MAP4: variants seen among roughly 807,000 people sequenced by gnomAD.
MAP4 encodes the protein microtubule-associated protein 4.
A neutral mutation model predicts 170.2 loss-of-function variants in MAP4; 76 were observed. That is an observed-to-expected ratio of 0.45 (90% CI 0.37 to 0.54). MAP4 has a LOEUF of 0.54. Ranked by LOEUF, MAP4 falls within the 20% of genes least tolerant of loss-of-function variation. The pLI is 0.00. For synonymous variants in MAP4, 909 were observed against 994.5 expected, an observed-to-expected ratio of 0.91 and a Z score of 1.62; for missense variants, 2,506 against 2,748.0, an observed-to-expected ratio of 0.91 and a Z score of 1.97.
intron 9 of MAP4, among the ~76,000 whole-genome samples, chr3:47,904,713 T>C (rs574773513): frequency 6.6e-6 from 1 of 152,166 alleles, no homozygotes; most frequent in African/African-American, 2.4e-5. Flanking sequence ...TCGCCCAGGC[T>C]GGAGGGCAGT....
At chr3:47,889,824 T>C (rs1186018417) in intron 10 of MAP4, among the ~76,000 whole-genome samples, 1 of 152,140 alleles carries the variant, frequency 6.6e-6, no homozygotes, top group African/African-American at 2.4e-5. Context: ...ACCTGAATGC[T>C]TGTAATTCTG....
intron 1 of MAP4, among the ~76,000 whole-genome samples, chr3:48,012,779 A>C (rs2100105931): frequency 6.6e-6 from 1 of 152,204 alleles, no homozygotes; most frequent in Non-Finnish European, 1.5e-5. Context: ...ACAATTGGAA[A>C]GTGGGAAGGT....
At position 47,916,276 on chromosome 3, in the gene MAP4, G is replaced by C. The variant is rs757418045; in HGVS notation, c.1551C>G (p.Gly517=). The C allele has an allele frequency of 1.9e-6, 3 of 1,614,200 alleles. No homozygotes were observed. The South Asian group carries it at 3.3e-5, about 18-fold the overall frequency. ...SPLSETEMAL[G]KDVTPPPETE... ...TTTCTGGAGGTGGAGTCACATCCTT[G>C]CCCAGAGCCATTTCTGTTTCTGATA... is the stretch of plus-strand genomic sequence containing the variant. Residue 517 remains glycine, a synonymous_variant, in exon 7 of 21, where the codon GGC becomes GGG. Coordinates refer to ENST00000683076, the MANE Select transcript of MAP4 (RefSeq NM_001385682.1).
intron 17 of MAP4, among the ~76,000 whole-genome samples, chr3:47,861,681 C>T (rs1457998883): frequency 6.6e-6 from 1 of 151,674 alleles, no homozygotes; most frequent in African/African-American, 2.4e-5. Context: ...ACAACAACAA[C>T]AACAACAACA....
intron 3 of MAP4, among the ~76,000 whole-genome samples, chr3:47,962,918 CTAA>C (rs1452165537): frequency 6.6e-6 from 1 of 152,152 alleles, no homozygotes; most frequent in Non-Finnish European, 1.5e-5. Flanking sequence ...TCTAAGGAGT[CTAA>C]TGTTAATACT....
At chr3:48,071,512 C>T (rs1041937878) in intron 1 of MAP4, among the ~76,000 whole-genome samples, 2 of 152,102 alleles carry the variant, frequency 1.3e-5, no homozygotes, top group Non-Finnish European at 2.9e-5. Context: ...TGCCAAACCA[C>T]ACTCCAGAGC....
chr3:47,918,464 C>G (rs1167321365), intron 6 of MAP4, among the ~76,000 whole-genome samples: 1 of 151,562 alleles, frequency 6.6e-6, no homozygotes, highest in African/African-American at 2.4e-5. Flanking sequence ...ATACCTAATA[C>G]AATGAAAATG....
At chr3:47,985,311 G>A (rs2100087982) in intron 2 of MAP4, among the ~76,000 whole-genome samples, 1 of 151,966 alleles carries the variant, frequency 6.6e-6, no homozygotes, top group South Asian at 2.1e-4. Flanking sequence ...GGTGGTGCAT[G>A]CCTGCAGTCC....
intron 2 of MAP4, among the ~76,000 whole-genome samples, chr3:47,995,562 T>C (rs888701080): frequency 3.3e-5 from 5 of 152,146 alleles, no homozygotes; most frequent in African/African-American, 1.2e-4. Context: ...GGAGTAAATA[T>C]TTATATGGAT....
At chr3:48,049,578 C>T (rs1335564698) in intron 1 of MAP4, among the ~76,000 whole-genome samples, 1 of 152,058 alleles carries the variant, frequency 6.6e-6, no homozygotes, top group African/African-American at 2.4e-5. Context: ...ATGATGGCAC[C>T]ACTGCACTCC....
chr3:48,011,009 T>C (rs1305184153), intron 1 of MAP4, among the ~76,000 whole-genome samples: 2 of 152,140 alleles, frequency 1.3e-5, no homozygotes, highest in Admixed American at 1.3e-4. Flanking sequence ...TCCTATTAGT[T>C]CTGTCCCTCT....
chr3:48,066,642 C>T (rs748906143), intron 1 of MAP4, among the ~76,000 whole-genome samples: 17 of 151,976 alleles, frequency 1.1e-4, no homozygotes, highest in South Asian at 6.3e-4. Context: ...TACAGGCGTG[C>T]GCCAAGTATA....
At position 47,862,179 on chromosome 3, in the gene MAP4, A is replaced by C. The variant is rs1484340979; in HGVS notation, c.6502-4667T>G. On this transcript the variant is annotated intron_variant, in intron 17 of 20. Transcript: ENST00000683076. ...CTGTCTCCAAAAAAAAAAAAAAAAA[A>C]ACCTAGGTAGCCCACACCATGAAAC... Among the ~76,000 whole-genome samples the C allele has an allele frequency of 4.7e-4, 67 of 142,928 alleles. 4 individuals carry two copies. The highest frequency in any genetic ancestry group is 3.1e-5 in the Non-Finnish European group (2 of 65,516). The allele number at this position is 142,928 out of a possible 152,430, so 93.8% of individuals were successfully genotyped here.
chr3:47,864,858 C>G (rs1383777440), intron 17 of MAP4, among the ~76,000 whole-genome samples: 1 of 151,954 alleles, frequency 6.6e-6, no homozygotes, highest in Non-Finnish European at 1.5e-5. Flanking sequence ...CAGAGCAAGA[C>G]TTTTTTTTGT....
intron 2 of MAP4, among the ~76,000 whole-genome samples, chr3:47,998,023 AATTCT>A (rs2100096916): frequency 1.3e-5 from 2 of 152,230 alleles, no homozygotes; most frequent in South Asian, 4.1e-4. Flanking sequence ...AAAAAATATC[AATTCT>A]ATGCAAACTA....
At chr3:48,018,240 T>C (rs1196792028), upstream of MAP4, among the ~76,000 whole-genome samples, 2 of 152,136 alleles carry the variant, frequency 1.3e-5, no homozygotes, top group African/African-American at 2.4e-5. Flanking sequence ...CCAGCTCCTG[T>C]AAACTGCTGG....
intron 1 of MAP4, among the ~76,000 whole-genome samples, chr3:48,031,549 T>C (rs2100116103): frequency 6.6e-6 from 1 of 150,840 alleles, no homozygotes; most frequent in African/African-American, 2.4e-5. Flanking sequence ...AGACTCCATC[T>C]CAAAAAAAAA....
chr3:47,909,485 A>G lies in MAP4; in HGVS notation c.4936T>C (p.Ser1646Pro), dbSNP rs773172417. The G allele has an allele frequency of 1.2e-5, 19 of 1,613,800 alleles. No individual in the cohort carries two copies. The highest frequency in any genetic ancestry group is 1.6e-5 in the Non-Finnish European group (19 of 1,179,886). ...CEDQNAQDRN[S>P]KGSDSLNKKV... is the part of the protein sequence containing the mutation. ...TTATTCAAACTATCTGAACCTTTGGAATTTCTATCTTGAGCATTTTGGTCC... is the reference window on the plus strand; with the variant it reads ...TTATTCAAACTATCTGAACCTTTGGGATTTCTATCTTGAGCATTTTGGTCC... Residue 1646 changes from serine (S) to proline (P), a missense_variant, in exon 9 of 21, where the codon TCC (serine) becomes CCC (proline). Physicochemically the swap from Ser to Pro is moderately conservative, Grantham distance 74. Around this residue, in one of 3 missense-constraint regions of MAP4, gnomAD observed 2,008 missense variants for 2,206.0 expected, o/e 0.91. Coordinates refer to ENST00000683076, the MANE Select transcript of MAP4 (RefSeq NM_001385682.1).
intron 3 of MAP4, among the ~76,000 whole-genome samples, chr3:47,970,619 G>A (rs1386274956): frequency 6.6e-6 from 1 of 151,892 alleles, no homozygotes; most frequent in African/African-American, 2.4e-5. Flanking sequence ...AGACCAGCCT[G>A]GCCAACATGG....
Sources: gnomAD v4.1 joint callset for allele counts (sites outside exome capture counted in the v4.1 genomes callset) on GRCh38, gnomAD v4.1.1 for gene constraint, gnomAD v4.1.1 regional missense constraint, MANE v1.5 for transcripts, NCBI Gene and HGNC (gene_info 2026-07-23, HGNC 2026-07-21) for gene names.